Variants in NDUFA10 observed in about 807,000 individuals in gnomAD.
NDUFA10 encodes NADH dehydrogenase [ubiquinone] 1 alpha subcomplex subunit 10, mitochondrial.
Under a neutral mutation model 47.8 loss-of-function variants are expected in NDUFA10, and 40 were observed. That is an observed-to-expected ratio of 0.84 (90% confidence interval 0.65 to 1.09). NDUFA10 has a LOEUF of 1.09. NDUFA10 is among the 50% of genes least tolerant of loss of function. The pLI is 0.00. For missense variants in NDUFA10, 413 were observed against 451.1 expected (o/e 0.92, Z 0.76); for synonymous variants, 183 against 172.2 (o/e 1.06, Z -0.49).
chr2:240,013,824 C>T (rs895031765), intron 5 of NDUFA10: 1 of 152,222 alleles, frequency 6.6e-6, no homozygotes, highest in African/African-American at 2.4e-5. Flanking sequence ...AGGCAGGTAG[C>T]CCTGCATTTT....
Position 239,961,139 on chromosome 2 carries a change from G to A in NDUFA10, c.1047C>T (p.Asp349=). ...YSPGYNTEVG[D]KWIWLK is the part of the protein sequence containing the mutation. ...CCGTTCACTTCAGCCAGATCCACTT[G>A]TCTCCCACCTCGGTGTTGTACCCAG... The change falls in exon 10 of 10, where the codon GAC becomes GAT. Residue 349 remains aspartate (D), a synonymous_variant. Transcript: ENST00000252711. The A allele has an allele frequency of 6.2e-7, 1 of 1,614,236 alleles. No individual in the cohort carries two copies. Among genetic ancestry groups the A allele is most frequent in the Non-Finnish European group, 8.5e-7 (1 of 1,180,040 alleles).
At chr2:240,000,278 C>T (rs962453169) in intron 8 of NDUFA10, among the ~76,000 whole-genome samples, 12 of 152,162 alleles carry the variant, frequency 7.9e-5, no homozygotes, top group African/African-American at 2.9e-4. Context: ...CAGCTCCACG[C>T]GTGTTACTGC....
In NDUFA10 at chr2:239,987,192, T is replaced by C. The variant is rs551710689; in HGVS notation, c.999+2882A>G. Among the ~76,000 whole-genome samples the C allele has an allele frequency of 6.6e-6, 1 of 152,196 alleles. No homozygotes were observed. Among genetic ancestry groups the C allele is most frequent in the Non-Finnish European group, 1.5e-5 (1 of 68,024 alleles). ...ACGTGTGATGCTCATGAAGAGGGCC[T>C]GTGGACTGGACAGCAGTAACGCGTG... On this transcript the variant is annotated intron_variant, in intron 9 of 9. Transcript: ENST00000252711. The surrounding 1 kb of genome is among the most constrained non-coding windows in gnomAD (Gnocchi z 4.8).
At position 239,899,054 on chromosome 2, in the gene NDUFA10, GA is replaced by G. The variant is rs1559259744; in HGVS notation, c.295-3741del. Among the ~76,000 whole-genome samples, 67 of 47,142 alleles carry G rather than the reference GA, an allele frequency of 1.4e-3. 8 individuals are homozygous for G. Among genetic ancestry groups the G allele is most frequent in the East Asian group, 2.9e-3 (3 of 1,040 alleles). 30.9% of individuals were successfully genotyped at this position (47,142 alleles called of 152,430 possible). On this transcript the variant is annotated intron_variant, in intron 4 of 5. Transcript: ENST00000419408. ...GGTGTAAAGGAGGGGTGTGATGGAGGAGTGTGATGGAGGGGTGTGATGGAGG... is the reference window on the plus strand; with the variant it reads ...GGTGTAAAGGAGGGGTGTGATGGAGGGTGTGATGGAGGGGTGTGATGGAGG...
chr2:240,013,599 A>G (rs984050512), intron 5 of NDUFA10: 2 of 152,224 alleles, frequency 1.3e-5, no homozygotes, highest in African/African-American at 4.8e-5. Context: ...TTAAACAATA[A>G]AAGTTCCAGA....
chr2:239,933,140 G>A (rs1482945230), intron 4 of NDUFA10, among the ~76,000 whole-genome samples: 1 of 152,174 alleles, frequency 6.6e-6, no homozygotes, highest in Non-Finnish European at 1.5e-5. Context: ...AGGGATAGGA[G>A]GCTAGGGAGG....
chr2:239,954,356 G>A (rs1694611920), downstream of NDUFA10, among the ~76,000 whole-genome samples: 1 of 152,246 alleles, frequency 6.6e-6, no homozygotes, highest in African/African-American at 2.4e-5. Context: ...CGGTCGGGCT[G>A]TGACCGCCTC....
At chr2:239,952,531 C>T (rs1234700921), downstream of NDUFA10, among the ~76,000 whole-genome samples, 1 of 152,208 alleles carries the variant, frequency 6.6e-6, no homozygotes, top group Non-Finnish European at 1.5e-5. Flanking sequence ...TGAGCACCAA[C>T]AGCTTCCAGG....
chr2:239,912,528 T>A (rs1693772795), intron 4 of NDUFA10, among the ~76,000 whole-genome samples: 1 of 152,220 alleles, frequency 6.6e-6, no homozygotes, highest in Non-Finnish European at 1.5e-5. Context: ...CTGGGCAGAA[T>A]GCCCTTGATG....
intron 4 of NDUFA10, among the ~76,000 whole-genome samples, chr2:239,930,869 GGGGGC>G (rs1694160631): frequency 5.1e-5 from 2 of 39,270 alleles, no homozygotes; most frequent in Non-Finnish European, 9.6e-5. Context: ...GCCCAGGAGG[GGGGGC>G]AGGGTCCAGG....
chr2:239,903,629 A>T (rs982310776), intron 4 of NDUFA10, among the ~76,000 whole-genome samples: 2 of 152,274 alleles, frequency 1.3e-5, no homozygotes, highest in African/African-American at 4.8e-5. Flanking sequence ...TAAGGAAAAG[A>T]ATGTCAATTA....
intron 2 of NDUFA10, 136 bp from the exon 3 acceptor site, chr2:240,021,548 C>T (rs1697624168): frequency 5.2e-6 from 4 of 762,226 alleles, no homozygotes; most frequent in Non-Finnish European, 9.1e-6. Context: ...GAGAAAGTCA[C>T]CTACATGCCT....
chr2:239,919,535 C>A (rs989245507), intron 4 of NDUFA10, among the ~76,000 whole-genome samples: 1 of 152,154 alleles, frequency 6.6e-6, no homozygotes, highest in African/African-American at 2.4e-5. Context: ...GAAGGAATAA[C>A]CAAACGCAGC....
intron 4 of NDUFA10, among the ~76,000 whole-genome samples, chr2:239,917,613 T>C (rs551310778): frequency 7.5e-4 from 114 of 152,352 alleles, no homozygotes; most frequent in Non-Finnish European, 1.4e-3. Flanking sequence ...TCATGTGTAA[T>C]CCTGAGTTAT....
chr2:240,000,175 C>T (rs1305737419), intron 8 of NDUFA10, among the ~76,000 whole-genome samples: 3 of 152,196 alleles, frequency 2.0e-5, no homozygotes, highest in Admixed American at 6.5e-5. Flanking sequence ...TTAGAGTACT[C>T]ATCTTACTTA....
At chr2:239,900,697 T>TA (rs1197132948) in intron 4 of NDUFA10, among the ~76,000 whole-genome samples, 8 of 152,136 alleles carry the variant, frequency 5.3e-5, no homozygotes, top group African/African-American at 1.9e-4. Flanking sequence ...GCATTGCCGA[T>TA]ATGGAGAAGT....
At chr2:239,938,143 C>A (rs1264938815) in intron 4 of NDUFA10, among the ~76,000 whole-genome samples, 3 of 152,204 alleles carry the variant, frequency 2.0e-5, no homozygotes, top group Non-Finnish European at 4.4e-5. Flanking sequence ...GCAGTCCCCA[C>A]TTCTCTTCTC....
intron 4 of NDUFA10, among the ~76,000 whole-genome samples, chr2:240,017,343 G>A (rs1383264470): frequency 1.3e-5 from 2 of 151,968 alleles, no homozygotes; most frequent in East Asian, 1.9e-4. Flanking sequence ...TGTGGCACAC[G>A]CAGGCTTCTC....
At chr2:240,019,104 G>A (rs1437110776) in intron 3 of NDUFA10, among the ~76,000 whole-genome samples, 1 of 152,138 alleles carries the variant, frequency 6.6e-6, no homozygotes, top group Non-Finnish European at 1.5e-5. Context: ...TCCCCAGCCA[G>A]CCTCCTTGCA....
Sources: allele counts gnomAD v4.1 joint callset (sites outside exome capture counted in the v4.1 genomes callset), GRCh38; gene constraint gnomAD v4.1.1; non-coding constraint Gnocchi (gnomAD v3.1); transcripts MANE v1.5; gene names NCBI Gene and HGNC (gene_info 2026-07-23, HGNC 2026-07-21).